MCTP1: variants seen among roughly 807,000 people sequenced by gnomAD.
The protein encoded by MCTP1 is multiple C2 and transmembrane domain-containing protein 1.
A neutral mutation model predicts 120.6 loss-of-function variants in MCTP1; 69 were observed. The ratio of observed to expected loss-of-function variants is 0.57; its 90% confidence interval spans 0.47 to 0.70. The LOEUF (loss-of-function observed/expected upper bound fraction) is 0.70. Among genes scored for constraint, MCTP1 ranks in the 30% least tolerant of loss-of-function variants. The pLI is 0.00. For synonymous variants in MCTP1, 529 were observed against 493.1 expected (o/e 1.07, Z -0.96); for missense variants, 1,203 against 1,248.8 (o/e 0.96, Z 0.55).
chr5:94,728,520 T>A (rs1002606264), intron 19 of MCTP1, among the ~76,000 whole-genome samples: 16 of 152,196 alleles, frequency 1.1e-4, no homozygotes, highest in Non-Finnish European at 1.8e-4. Flanking sequence ...CCGAGGGATG[T>A]TGTAGGCTTA....
chr5:94,953,923 A>ATATATGCATATATATACAAATATATAT (rs1165317497), intron 2 of MCTP1, among the ~76,000 whole-genome samples: 1 of 29,032 alleles, frequency 3.4e-5, no homozygotes, highest in African/African-American at 1.8e-4. Flanking sequence ...ATACAAATAT[A>ATATATGCATATATATACAAATATATAT]ATATATGCAT....
intron 19 of MCTP1, among the ~76,000 whole-genome samples, chr5:94,759,782 T>G (rs1286261276): frequency 6.6e-6 from 1 of 151,864 alleles, no homozygotes; most frequent in African/African-American, 2.4e-5. Context: ...TATTTTCACA[T>G]AAGTGTTTTA....
intron 19 of MCTP1, among the ~76,000 whole-genome samples, chr5:94,735,821 G>A (rs562271663): frequency 6.6e-6 from 1 of 152,164 alleles, no homozygotes; most frequent in Admixed American, 6.5e-5. Context: ...TTATATCTAA[G>A]GTATCTAACT....
At chr5:94,807,476 T>G (rs966508634) in intron 17 of MCTP1, among the ~76,000 whole-genome samples, 1 of 152,152 alleles carries the variant, frequency 6.6e-6, no homozygotes, top group African/African-American at 2.4e-5. Flanking sequence ...GAGGTAAAAT[T>G]TCTGAATTAC....
chr5:94,837,750 G>C (rs542167557), intron 17 of MCTP1, among the ~76,000 whole-genome samples: 1 of 152,168 alleles, frequency 6.6e-6, no homozygotes, highest in African/African-American at 2.4e-5. Flanking sequence ...GTGGAGATGA[G>C]AGACGGGGGC....
At chr5:94,729,043 A>G (rs1056174358) in intron 19 of MCTP1, among the ~76,000 whole-genome samples, 1 of 152,230 alleles carries the variant, frequency 6.6e-6, no homozygotes, top group African/African-American at 2.4e-5. Flanking sequence ...AAAAAGCGCA[A>G]TGAAGAGACC....
intron 9 of MCTP1, among the ~76,000 whole-genome samples, chr5:94,909,941 G>A (rs1317812951): frequency 6.6e-6 from 1 of 151,978 alleles, no homozygotes; most frequent in Non-Finnish European, 1.5e-5. Flanking sequence ...CACTGATGTA[G>A]TATCTCATGT....
Position 94,707,543 on chromosome 5 carries a change from C to T in MCTP1, c.2953G>A (p.Asp985Asn), listed in dbSNP as rs147989620. Residue 985 changes from aspartate to asparagine, a missense_variant, in exon 23 of 23, where the codon GAT becomes AAT. By Grantham distance (23) the Asp-to-Asn change is conservative (BLOSUM62 1). Transcript: ENST00000515393. ...CTTTTATATGGGCTATGAGAAGGAT[C>T]TGGTTTCAGTTCTTGGTATTGCACC... Reference protein sequence around the residue: ...QVVQYQELKPDPSHSPYKRKK... With the variant: ...QVVQYQELKPNPSHSPYKRKK... The T allele has an allele frequency of 6.2e-7, 1 of 1,611,868 alleles. No individual in the cohort carries two copies. The highest frequency in any genetic ancestry group is 8.5e-7 in the Non-Finnish European group (1 of 1,178,544).
intron 2 of MCTP1, among the ~76,000 whole-genome samples, chr5:95,014,356 G>A (rs1288830349): frequency 6.6e-6 from 1 of 152,090 alleles, no homozygotes; most frequent in African/African-American, 2.4e-5. Context: ...AACCCTTATG[G>A]ATGACTTGAG....
chr5:94,953,492 G>T (rs1157462276), intron 2 of MCTP1, 131 bp from the exon 3 acceptor site: 5 of 580,162 alleles, frequency 8.6e-6, no homozygotes, highest in Middle Eastern at 5.0e-4. Flanking sequence ...AGAAATAAGA[G>T]TTAAGTGTTT....
intron 2 of MCTP1, among the ~76,000 whole-genome samples, chr5:94,972,605 C>A (rs1035893832): frequency 1.3e-5 from 2 of 152,118 alleles, no homozygotes; most frequent in African/African-American, 4.8e-5. Context: ...ATATCATCAG[C>A]TCTAGATCTT....
chr5:95,040,966 A>T (rs949199220), intron 1 of MCTP1, among the ~76,000 whole-genome samples: 1 of 152,146 alleles, frequency 6.6e-6, no homozygotes, highest in Non-Finnish European at 1.5e-5. Flanking sequence ...GGGTGGAGAG[A>T]CAGAAGTACA....
At chr5:94,890,681 T>C (rs1802384041) in intron 11 of MCTP1, among the ~76,000 whole-genome samples, 1 of 152,216 alleles carries the variant, frequency 6.6e-6, no homozygotes. Context: ...TTTCACTTCA[T>C]AAATTAATAA....
chr5:95,076,276 A>G (rs1372784163), intron 1 of MCTP1, among the ~76,000 whole-genome samples: 1 of 152,192 alleles, frequency 6.6e-6, no homozygotes, highest in Non-Finnish European at 1.5e-5. Context: ...AACTGTAGAT[A>G]AAGGGGTAAT....
chr5:95,076,651 C>T (rs766110681), intron 1 of MCTP1, among the ~76,000 whole-genome samples: 4 of 152,058 alleles, frequency 2.6e-5, no homozygotes, highest in Non-Finnish European at 5.9e-5. Flanking sequence ...CGAGGGAAAT[C>T]ACCACCAGAA....
In MCTP1 at chr5:95,140,674, C is replaced by T. The variant is rs573958896; in HGVS notation, c.721-123190G>A. 7.9e-5 allele frequency among the ~76,000 whole-genome samples: 10 copies of T among 126,116 alleles called. No homozygotes were observed. The East Asian group carries it at 1.5e-3, about 18-fold the overall frequency. The allele number at this position is 126,116 out of a possible 152,430, so 82.7% of individuals were successfully genotyped here. A position where few individuals can be genotyped will look rare whatever the true frequency, so the allele number is the denominator to read the frequency against. ...AGATCGAGACCATCCTGGCTAACAC[C>T]GTGAAACCCTGTCCCTACTAAAAAA... On this transcript the variant is annotated intron_variant, in intron 1 of 22. Transcript: ENST00000515393.
intron 1 of MCTP1, among the ~76,000 whole-genome samples, chr5:95,264,603 CCT>C (rs1290423327): frequency 2.0e-5 from 3 of 152,296 alleles, no homozygotes; most frequent in Admixed American, 2.0e-4. Context: ...TAAAGACCCA[CCT>C]CTCTCCCACT....
chr5:94,904,034 C>T (rs891861082), intron 10 of MCTP1, among the ~76,000 whole-genome samples: 14 of 152,176 alleles, frequency 9.2e-5, no homozygotes, highest in African/African-American at 3.4e-4. Flanking sequence ...TCTTGCCTGC[C>T]AAAATGCAGG....
intron 2 of MCTP1, among the ~76,000 whole-genome samples, chr5:94,994,199 C>A (rs1227213648): frequency 2.0e-5 from 3 of 152,122 alleles, no homozygotes; most frequent in African/African-American, 7.2e-5. Flanking sequence ...TAACCGTAGG[C>A]CTTAGAGAAA....
Sources: gnomAD v4.1 joint callset for allele counts (sites outside exome capture counted in the v4.1 genomes callset) on GRCh38, gnomAD v4.1.1 for gene constraint, MANE v1.5 for transcripts, NCBI Gene and HGNC (gene_info 2026-07-23, HGNC 2026-07-21) for gene names.